DOCK4: variants seen among roughly 807,000 people sequenced by gnomAD.
DOCK4 encodes dedicator of cytokinesis protein 4.
Under a neutral mutation model 268.1 loss-of-function variants are expected in DOCK4, and 97 were observed. The ratio of observed to expected loss-of-function variants is 0.36; its 90% CI spans 0.31 to 0.43. The LOEUF (loss-of-function observed/expected upper bound fraction) is 0.43, where lower values mean the gene tolerates loss of function less well. Ranked by LOEUF, DOCK4 falls within the 20% of genes least tolerant of loss-of-function variation. The pLI, the probability that DOCK4 is intolerant of heterozygous loss-of-function variation, is 1.00. For synonymous variants in DOCK4, 954 were observed against 887.2 expected (o/e 1.08, Z -1.34); for missense variants, 2,145 against 2,455.7 (o/e 0.87, Z 2.67).
At chr7:111,880,241 C>T (rs1049956492) in intron 16 of DOCK4, among the ~76,000 whole-genome samples, 3 of 152,090 alleles carry the variant, frequency 2.0e-5, no homozygotes, top group African/African-American at 7.2e-5. Flanking sequence ...GCAGACTATT[C>T]GGTGGAAATC....
At chr7:112,050,072 T>C (rs978476813) in intron 1 of DOCK4, among the ~76,000 whole-genome samples, 3 of 152,190 alleles carry the variant, frequency 2.0e-5, no homozygotes, top group Non-Finnish European at 4.4e-5. Context: ...TGATGTCTGA[T>C]ACAGAGCAGA....
chr7:111,964,833 C>G (rs1358744131), intron 8 of DOCK4, among the ~76,000 whole-genome samples: 1 of 109,328 alleles, frequency 9.1e-6, no homozygotes, highest in Non-Finnish European at 1.8e-5. Context: ...CAAAGGAAAG[C>G]CCATCAGACT....
chr7:112,147,259 T>C (rs1430660897), intron 1 of DOCK4, among the ~76,000 whole-genome samples: 3 of 152,212 alleles, frequency 2.0e-5, no homozygotes, highest in African/African-American at 7.2e-5. Context: ...TAAGTCTAAT[T>C]AGTCACTAAA....
intron 1 of DOCK4, among the ~76,000 whole-genome samples, chr7:112,008,413 C>T (rs186042778): frequency 5.3e-5 from 8 of 152,296 alleles, no homozygotes; most frequent in African/African-American, 1.9e-4. Flanking sequence ...CCTGTTATTA[C>T]TAACAGTATC....
chr7:112,036,044 T>A (rs532161832), intron 1 of DOCK4, among the ~76,000 whole-genome samples: 17 of 152,154 alleles, frequency 1.1e-4, no homozygotes, highest in African/African-American at 3.9e-4. Flanking sequence ...ACCACAGATA[T>A]CTTCACAATA....
chr7:112,000,953 A>C (rs1342855560), intron 2 of DOCK4, among the ~76,000 whole-genome samples: 1 of 152,190 alleles, frequency 6.6e-6, no homozygotes, highest in Non-Finnish European at 1.5e-5. Flanking sequence ...GATTTCATAC[A>C]TTTCCAAATT....
At chr7:112,088,460 T>C (rs1422250463) in intron 1 of DOCK4, among the ~76,000 whole-genome samples, 1 of 152,178 alleles carries the variant, frequency 6.6e-6, no homozygotes, top group Non-Finnish European at 1.5e-5. Flanking sequence ...CACACATATA[T>C]ACATACACAT....
intron 13 of DOCK4, among the ~76,000 whole-genome samples, chr7:111,903,778 A>G (rs1227808866): frequency 6.6e-6 from 1 of 152,202 alleles, no homozygotes; most frequent in African/African-American, 2.4e-5. Context: ...GTGGCAGGTA[A>G]AAAAAACAAC....
chr7:112,008,780 G>A (rs1801057607), intron 1 of DOCK4, among the ~76,000 whole-genome samples: 1 of 152,212 alleles, frequency 6.6e-6, no homozygotes, highest in South Asian at 2.1e-4. Context: ...GATCACTTGA[G>A]GTCAGGAGTT....
chr7:111,743,594 G>A (rs941766575), intron 44 of DOCK4, among the ~76,000 whole-genome samples: 4 of 152,162 alleles, frequency 2.6e-5, no homozygotes, highest in Admixed American at 1.3e-4. Flanking sequence ...AAACACTAGC[G>A]TTGGGTGACT....
intron 1 of DOCK4, among the ~76,000 whole-genome samples, chr7:112,055,363 C>CA (rs1805719356): frequency 6.6e-6 from 1 of 152,168 alleles, no homozygotes; most frequent in Non-Finnish European, 1.5e-5. Flanking sequence ...CGCATACCCC[C>CA]ACACTCACTC....
chr7:111,931,874 T>C (rs749090598), intron 12 of DOCK4, among the ~76,000 whole-genome samples: 1 of 152,148 alleles, frequency 6.6e-6, no homozygotes. Context: ...CTTCCCAATA[T>C]CCCTTAGAGG....
At chr7:112,201,360 A>AT in intron 1 of DOCK4, among the ~76,000 whole-genome samples, 1 of 152,280 alleles carries the variant, frequency 6.6e-6, no homozygotes, top group South Asian at 2.1e-4. Flanking sequence ...CACACAATTT[A>AT]TTTTTTAAAT....
intron 1 of DOCK4, among the ~76,000 whole-genome samples, chr7:112,012,300 A>G (rs940782197): frequency 3.3e-5 from 5 of 152,140 alleles, no homozygotes; most frequent in Non-Finnish European, 7.4e-5. Flanking sequence ...TAAGAACCTC[A>G]AGAGGAAAAA....
chr7:111,960,412 T>C lies in DOCK4; in HGVS notation c.702-14614A>G, dbSNP rs1056722709. Among the ~76,000 whole-genome samples the C allele has an allele frequency of 8.6e-5, 13 of 150,558 alleles. 1 individual carries two copies. Among genetic ancestry groups the C allele is most frequent in the Admixed American group, 2.0e-4 (3 of 15,138 alleles). Reference sequence around the variant, plus strand: ...AAAGAATTTATAAATAAAAATTGTATATATTTATCAATTCTAAATAAAACA... The same window carrying C: ...AAAGAATTTATAAATAAAAATTGTACATATTTATCAATTCTAAATAAAACA... On this transcript the variant is annotated intron_variant, in intron 8 of 52. Coordinates refer to ENST00000428084, the MANE Select transcript of DOCK4 (RefSeq NM_001363540.2).
chr7:112,181,639 C>CAAAAAAAAAAAAAAAAAAA (rs55807955), intron 1 of DOCK4, among the ~76,000 whole-genome samples: 4 of 65,378 alleles, frequency 6.1e-5, no homozygotes, highest in African/African-American at 1.4e-4. Flanking sequence ...GACACTGTCT[C>CAAAAAAAAAAAAAAAAAAA]AAAAAAAAAA....
At chr7:112,086,369 G>A (rs897411026) in intron 1 of DOCK4, among the ~76,000 whole-genome samples, 1 of 151,984 alleles carries the variant, frequency 6.6e-6, no homozygotes, top group Non-Finnish European at 1.5e-5. Flanking sequence ...TTATTCTTTA[G>A]AATTATAGTT....
chr7:111,934,831 G>A (rs544458569), intron 12 of DOCK4, among the ~76,000 whole-genome samples: 2 of 150,684 alleles, frequency 1.3e-5, no homozygotes, highest in Non-Finnish European at 3.0e-5. Flanking sequence ...GAGCCACTGC[G>A]CCCGGCCGCG....
intron 30 of DOCK4, among the ~76,000 whole-genome samples, chr7:111,791,070 T>TTTA (rs1799494240): frequency 1.0e-5 from 1 of 95,484 alleles, no homozygotes; most frequent in African/African-American, 6.1e-5. Flanking sequence ...AAAAAAAAAA[T>TTTA]TATATATATA....
Sources: gnomAD v4.1 joint callset for allele counts (sites outside exome capture counted in the v4.1 genomes callset) on GRCh38, gnomAD v4.1.1 for gene constraint, MANE v1.5 for transcripts, NCBI Gene and HGNC (gene_info 2026-07-23, HGNC 2026-07-21) for gene names.